The following MGAT5 variants were observed in gnomAD, a reference collection of about 807,000 sequenced individuals.
MGAT5 encodes the protein alpha-1,6-mannosylglycoprotein 6-beta-N-acetylglucosaminyltransferase.
In MGAT5, 30 loss-of-function variants were observed where a neutral mutation model predicts 94.3. The ratio of observed to expected loss-of-function variants is 0.32; its 90% confidence interval spans 0.24 to 0.43. MGAT5 has a LOEUF of 0.43. Among genes scored for constraint, MGAT5 ranks in the 20% least tolerant of loss-of-function variants. The pLI is 1.00. For missense variants in MGAT5, 691 were observed against 905.5 expected (o/e 0.76, Z 3.04); for synonymous variants, 310 against 322.9 (o/e 0.96, Z 0.43).
intron 9 of MGAT5, among the ~76,000 whole-genome samples, chr2:134,352,528 T>G (rs1246703847): frequency 6.6e-6 from 1 of 152,108 alleles, no homozygotes; most frequent in Non-Finnish European, 1.5e-5. Flanking sequence ...ATGAATGAAC[T>G]TATGTTTCCA....
At chr2:134,182,684 A>G (rs1275081546) in intron 1 of MGAT5, among the ~76,000 whole-genome samples, 7 of 151,822 alleles carry the variant, frequency 4.6e-5, no homozygotes, top group Non-Finnish European at 8.8e-5. Context: ...TCACAAGCGT[A>G]CTTAATCACT....
chr2:134,301,771 G>A (rs1686033234), intron 2 of MGAT5, among the ~76,000 whole-genome samples: 1 of 152,144 alleles, frequency 6.6e-6, no homozygotes, highest in African/African-American at 2.4e-5. Flanking sequence ...ATAAGGACGT[G>A]CTGGAACACA....
chr2:134,154,078 A>C (rs1044600620), intron 1 of MGAT5, among the ~76,000 whole-genome samples: 1 of 152,222 alleles, frequency 6.6e-6, no homozygotes, highest in Non-Finnish European at 1.5e-5. Flanking sequence ...TTTTGTAAAT[A>C]AGAGCCATAG....
At chr2:134,287,548 G>C (rs376697818) in intron 2 of MGAT5, among the ~76,000 whole-genome samples, 24 of 152,228 alleles carry the variant, frequency 1.6e-4, no homozygotes, top group East Asian at 1.3e-3. Flanking sequence ...CCACCTCCTA[G>C]GGAACCATAG....
chr2:134,264,168 A>G (rs1683536629), intron 1 of MGAT5, among the ~76,000 whole-genome samples: 1 of 151,992 alleles, frequency 6.6e-6, no homozygotes, highest in Admixed American at 6.6e-5. Flanking sequence ...GATTACAGGC[A>G]TGTGCCACCA....
At chr2:134,191,444 C>T (rs574275529) in intron 1 of MGAT5, among the ~76,000 whole-genome samples, 24 of 152,314 alleles carry the variant, frequency 1.6e-4, no homozygotes, top group African/African-American at 5.1e-4. Context: ...AGGGTGGGTT[C>T]GCCCCCTCCC....
chr2:134,360,544 TA>T (rs201938762), intron 9 of MGAT5, among the ~76,000 whole-genome samples: 1 of 138,816 alleles, frequency 7.2e-6, no homozygotes, highest in Non-Finnish European at 1.6e-5. Flanking sequence ...TTTCTGAAAA[TA>T]AAAAAAATTT....
intron 12 of MGAT5, among the ~76,000 whole-genome samples, chr2:134,415,749 CA>C (rs1357355578): frequency 6.6e-6 from 1 of 152,012 alleles, no homozygotes; most frequent in East Asian, 1.9e-4. Flanking sequence ...TGTGCTGTTT[CA>C]GGTCTTATAT....
At chr2:134,187,939 G>T (rs147397018) in intron 1 of MGAT5, among the ~76,000 whole-genome samples, 1 of 152,230 alleles carries the variant, frequency 6.6e-6, no homozygotes, top group Non-Finnish European at 1.5e-5. Context: ...TGTGTCAGCC[G>T]TGGAGAGATT....
intron 2 of MGAT5, among the ~76,000 whole-genome samples, chr2:134,300,433 C>T (rs943449751): frequency 6.6e-6 from 1 of 152,206 alleles, no homozygotes; most frequent in East Asian, 1.9e-4. Flanking sequence ...TCTTTCTGCA[C>T]ATGTGCGGTT....
At chr2:134,237,293 A>G (rs1171531678) in intron 1 of MGAT5, among the ~76,000 whole-genome samples, 3 of 152,214 alleles carry the variant, frequency 2.0e-5, no homozygotes, top group Non-Finnish European at 4.4e-5. Context: ...CCACTCAGCC[A>G]TTCTGGATTC....
At chr2:134,309,124 C>G (rs1686502407) in intron 2 of MGAT5, among the ~76,000 whole-genome samples, 1 of 152,158 alleles carries the variant, frequency 6.6e-6, no homozygotes, top group African/African-American at 2.4e-5. Context: ...ATAATGTTTT[C>G]AAGGTTCATC....
At chr2:134,399,360 CA>C (rs1682903752) in intron 10 of MGAT5, among the ~76,000 whole-genome samples, 1 of 152,174 alleles carries the variant, frequency 6.6e-6, no homozygotes, top group African/African-American at 2.4e-5. Flanking sequence ...TGGTTCTGAA[CA>C]TGTACCTGCC....
chr2:134,354,491 G>A (rs1174905479), intron 9 of MGAT5, among the ~76,000 whole-genome samples: 1 of 152,198 alleles, frequency 6.6e-6, no homozygotes, highest in Non-Finnish European at 1.5e-5. Flanking sequence ...ACCGGAATGT[G>A]TTTGCGTTCT....
At chr2:134,258,730 C>T (rs1683136238) in intron 1 of MGAT5, among the ~76,000 whole-genome samples, 1 of 152,112 alleles carries the variant, frequency 6.6e-6, no homozygotes, top group South Asian at 2.1e-4. Context: ...TCTGAAAATG[C>T]TTCTTCTAAG....
At chr2:134,287,612 C>T (rs1279604552) in intron 2 of MGAT5, among the ~76,000 whole-genome samples, 1 of 152,192 alleles carries the variant, frequency 6.6e-6, no homozygotes, top group Non-Finnish European at 1.5e-5. Flanking sequence ...GCTTAGTTTC[C>T]TCATAGATGG....
chr2:134,302,215 T>C (rs1027066099), intron 2 of MGAT5, among the ~76,000 whole-genome samples: 2 of 152,170 alleles, frequency 1.3e-5, no homozygotes, highest in African/African-American at 4.8e-5. Context: ...TGGGCCAGAT[T>C]TGGCTTAAGG....
At chr2:134,191,253 G>T (rs1163469298) in intron 1 of MGAT5, among the ~76,000 whole-genome samples, 12 of 152,362 alleles carry the variant, frequency 7.9e-5, no homozygotes, top group Admixed American at 5.9e-4. Context: ...AGAGCATGGG[G>T]TATTGTCATG....
chr2:134,191,730 G>A (rs369520512), intron 1 of MGAT5, among the ~76,000 whole-genome samples: 2 of 140,534 alleles, frequency 1.4e-5, no homozygotes, highest in Non-Finnish European at 3.0e-5. Flanking sequence ...GTGGGTTCGC[G>A]CCCTCCTCCT....
Sources: gnomAD v4.1 joint callset for allele counts (sites outside exome capture counted in the v4.1 genomes callset) on GRCh38, gnomAD v4.1.1 for gene constraint, MANE v1.5 for transcripts, NCBI Gene and HGNC (gene_info 2026-07-23, HGNC 2026-07-21) for gene names.